Variants in PKNOX2 observed in about 807,000 individuals in gnomAD.
PKNOX2 encodes PBX/knotted 1 homeobox 2.
In PKNOX2, 14 loss-of-function variants were observed where a neutral mutation model predicts 53.1. That is an observed-to-expected ratio of 0.26 (90% CI 0.17 to 0.41). PKNOX2 has a LOEUF of 0.41. Ranked by LOEUF, PKNOX2 falls within the 10% of genes least tolerant of loss-of-function variation. The probability of loss-of-function intolerance (pLI) is 1.00; values close to 1 mark genes in which losing one functional copy is unlikely to be tolerated. For missense variants in PKNOX2, 496 were observed against 602.8 expected (o/e 0.82, Z 1.85); for synonymous variants, 257 against 242.8 (o/e 1.06, Z -0.54).
rs776266631 is a variant in PKNOX2, at chr11:125,385,705, C to T, written c.382C>T (p.Pro128Ser). 1.9e-6 allele frequency: 3 copies of T among 1,613,650 alleles called. No homozygotes were observed. Among genetic ancestry groups the T allele is most frequent in the East Asian group, 2.2e-5 (1 of 44,854 alleles). ...QEHKPFFSDDPELDNLMVKAI... is the reference protein window; with the variant it reads ...QEHKPFFSDDSELDNLMVKAI... ...GCACAAACCCTTCTTCAGCGATGAC[C>T]CAGAACTGGACAATCTGGTAAAGAC... Residue 128 changes from proline (P) to serine (S), a missense_variant, in exon 6 of 13, where the codon CCA becomes TCA. Physicochemically the swap from Pro to Ser is moderately conservative, Grantham distance 74. This residue lies in a region of PKNOX2 where 168 missense variants were observed against 178.4 expected (regional missense o/e 0.94). Transcript: ENST00000298282.
At chr11:125,182,375 GT>G (rs1462016717) in intron 1 of PKNOX2, among the ~76,000 whole-genome samples, 1 of 152,200 alleles carries the variant, frequency 6.6e-6, no homozygotes, top group African/African-American at 2.4e-5. Context: ...GCAGATAGAT[GT>G]CTATGGAAGA....
intron 7 of PKNOX2, among the ~76,000 whole-genome samples, chr11:125,401,147 A>C (rs770677701): frequency 8.5e-5 from 13 of 152,208 alleles, no homozygotes; most frequent in Non-Finnish European, 1.5e-4. Context: ...AAAGGGAAAG[A>C]AAGCCAAATA....
At position 125,351,386 on chromosome 11, in the gene PKNOX2, C is replaced by T. The variant is rs746334436; in HGVS notation, c.81C>T (p.Ser27=). Residue 27 remains serine (S), a synonymous_variant, in exon 4 of 13, where the codon AGC becomes AGT. Coordinates refer to ENST00000298282, the MANE Select transcript of PKNOX2 (RefSeq NM_001382323.2). The part of the protein sequence containing the change: ...QNVPPPPYQD[S]PQMTATAQPP... Reference sequence around the variant, plus strand: ...TCCCGCCCCCACCCTACCAGGACAGCCCACAGGTGAGTGCGCAGGGGCCGC... The same window carrying T: ...TCCCGCCCCCACCCTACCAGGACAGTCCACAGGTGAGTGCGCAGGGGCCGC... 48 of 1,599,310 alleles carry T rather than the reference C, an allele frequency of 3.0e-5. No individual in the cohort carries two copies. The highest frequency in any genetic ancestry group is 3.9e-5 in the Non-Finnish European group (45 of 1,168,606).
intron 2 of PKNOX2, among the ~76,000 whole-genome samples, chr11:125,289,910 C>T (rs1022150221): frequency 2.0e-5 from 3 of 152,208 alleles, no homozygotes; most frequent in Non-Finnish European, 4.4e-5. Flanking sequence ...AATCAGCCCG[C>T]AGCAGCAGCA....
At chr11:125,175,516 G>A (rs567213648) in intron 1 of PKNOX2, among the ~76,000 whole-genome samples, 4 of 152,350 alleles carry the variant, frequency 2.6e-5, no homozygotes, top group Admixed American at 6.5e-5. Flanking sequence ...GGCCACAGAC[G>A]AGTGGAGGCT....
intron 1 of PKNOX2, among the ~76,000 whole-genome samples, chr11:125,184,756 A>C (rs1956351016): frequency 1.3e-5 from 2 of 152,170 alleles, no homozygotes; most frequent in Non-Finnish European, 2.9e-5. Context: ...CTTGTGTCGG[A>C]GGCTGGCTAG....
At chr11:125,408,443 A>G (rs928452868) in intron 7 of PKNOX2, among the ~76,000 whole-genome samples, 4 of 152,216 alleles carry the variant, frequency 2.6e-5, no homozygotes, top group African/African-American at 9.6e-5. Context: ...TCAGAATAGA[A>G]GCAAGGCCTC....
intron 10 of PKNOX2, among the ~76,000 whole-genome samples, chr11:125,418,603 C>A (rs1956012966): frequency 6.6e-6 from 1 of 152,030 alleles, no homozygotes; most frequent in Admixed American, 6.5e-5. Context: ...GAAGCCCAGC[C>A]AGTTGCCTCT....
chr11:125,222,804 C>A (rs12797497), intron 1 of PKNOX2, among the ~76,000 whole-genome samples: 3 of 142,320 alleles, frequency 2.1e-5, no homozygotes, highest in Non-Finnish European at 3.1e-5. Flanking sequence ...TGTGTGTGTG[C>A]GTGTGTATGT....
chr11:125,371,211 A>C (rs1952518464), intron 5 of PKNOX2, among the ~76,000 whole-genome samples: 1 of 152,186 alleles, frequency 6.6e-6, no homozygotes, highest in Non-Finnish European at 1.5e-5. Context: ...ATTGCAGTCT[A>C]ATCCGAGCAG....
At chr11:125,334,723 T>A (rs995267852) in intron 3 of PKNOX2, among the ~76,000 whole-genome samples, 1 of 151,788 alleles carries the variant, frequency 6.6e-6, no homozygotes, top group African/African-American at 2.4e-5. Flanking sequence ...CTCAGTCTCC[T>A]GAGTAGCTGG....
At position 125,393,402 on chromosome 11, in the gene PKNOX2, A is replaced by G. The variant is rs1003363853; in HGVS notation, c.400-4472A>G. 5.3e-5 allele frequency among the ~76,000 whole-genome samples: 8 copies of G among 152,302 alleles called. No homozygotes were observed. The East Asian group carries it at 1.5e-3, about 29-fold the overall frequency. On this transcript the variant is annotated intron_variant, in intron 6 of 12. Coordinates refer to ENST00000298282, the MANE Select transcript of PKNOX2 (RefSeq NM_001382323.2). ...ATATAAGGAAAAGCTTCTAATCAGCAGACTGAGAGAATATGGAGAAGGTCC... is the reference window on the plus strand; with the variant it reads ...ATATAAGGAAAAGCTTCTAATCAGCGGACTGAGAGAATATGGAGAAGGTCC...
At chr11:125,258,968 C>A (rs1201019656) in intron 2 of PKNOX2, 1 of 250,760 alleles carries the variant, frequency 4.0e-6, no homozygotes, top group African/African-American at 2.3e-5. Context: ...CATGGTCTGC[C>A]ATGGAAGAGG....
At chr11:125,274,622 G>A (rs991189962) in intron 2 of PKNOX2, among the ~76,000 whole-genome samples, 9 of 152,264 alleles carry the variant, frequency 5.9e-5, no homozygotes, top group Non-Finnish European at 1.3e-4. Flanking sequence ...GAACATGTCG[G>A]CTGCAGCTAG....
rs371091100 is a variant in PKNOX2, at chr11:125,351,364, C to G, written c.59C>G (p.Pro20Arg). Reference sequence around the variant, plus strand: ...ACGATGATGGCCACGCAGAATGTCCCGCCCCCACCCTACCAGGACAGCCCA... The same window carrying G: ...ACGATGATGGCCACGCAGAATGTCCGGCCCCCACCCTACCAGGACAGCCCA... ...ALTMMATQNVPPPPYQDSPQM... is the reference protein window; with the variant it reads ...ALTMMATQNVRPPPYQDSPQM... Residue 20 changes from proline (P) to arginine (R), a missense_variant, in exon 4 of 13, where the codon CCG (proline) becomes CGG (arginine). This residue lies in a region of PKNOX2 where 168 missense variants were observed against 178.4 expected (regional missense o/e 0.94). Transcript: ENST00000298282. 2 of 1,605,818 alleles carry G rather than the reference C, an allele frequency of 1.2e-6. No homozygotes were observed. The highest frequency in any genetic ancestry group is 1.7e-5 in the Admixed American group (1 of 59,680).
In PKNOX2 at chr11:125,180,765, C is replaced by T. The variant is rs565479955; in HGVS notation, c.-201+15989C>T. ...CATGGCCTGAGGGGCTGTAATTTCA[C>T]TCCAAGATCTCTGCTGCTGCTCCTT... On this transcript the variant is annotated intron_variant, in intron 1 of 12. Transcript: ENST00000298282. Among the ~76,000 whole-genome samples, 368 of 152,338 alleles carry T rather than the reference C, an allele frequency of 2.4e-3. 1 individual carries two copies. The highest frequency in any genetic ancestry group is 8.7e-3 in the African/African-American group (362 of 41,574).
chr11:125,167,194 G>T (rs1954945439), intron 1 of PKNOX2, among the ~76,000 whole-genome samples: 1 of 151,312 alleles, frequency 6.6e-6, no homozygotes. Context: ...GTGTGTGTGG[G>T]GGGTGGGAGC....
At chr11:125,426,741 T>A (rs1299167301) in intron 10 of PKNOX2, among the ~76,000 whole-genome samples, 1 of 152,222 alleles carries the variant, frequency 6.6e-6, no homozygotes, top group Non-Finnish European at 1.5e-5. Flanking sequence ...GTGCCTGGTC[T>A]GCACACTGGA....
chr11:125,423,078 A>G (rs1465150992), intron 10 of PKNOX2, among the ~76,000 whole-genome samples: 2 of 152,220 alleles, frequency 1.3e-5, no homozygotes, highest in Admixed American at 6.5e-5. Flanking sequence ...ATACACATAC[A>G]TATATACGTA....
Sources: gnomAD v4.1 joint callset for allele counts (sites outside exome capture counted in the v4.1 genomes callset) on GRCh38, gnomAD v4.1.1 for gene constraint, gnomAD v4.1.1 regional missense constraint, MANE v1.5 for transcripts, NCBI Gene and HGNC (gene_info 2026-07-23, HGNC 2026-07-21) for gene names.